Variants in DPYD observed in about 807,000 individuals in gnomAD.
The protein encoded by DPYD is dihydropyrimidine dehydrogenase.
A neutral mutation model predicts 116.2 loss-of-function variants in DPYD; 109 were observed. The observed-to-expected ratio is 0.94, with a 90% CI of 0.80 to 1.10. The LOEUF (loss-of-function observed/expected upper bound fraction) is 1.10. Among genes scored for constraint, DPYD ranks in the 50% least tolerant of loss-of-function variants. The pLI is 0.00. For missense variants in DPYD, 1,302 were observed against 1,254.5 expected, an observed-to-expected ratio of 1.04 and a Z score of -0.57; for synonymous variants, 440 against 432.0, an observed-to-expected ratio of 1.02 and a Z score of -0.23.
chr1:97,753,322 T>C (rs1429295101), intron 3 of DPYD, among the ~76,000 whole-genome samples: 1 of 152,172 alleles, frequency 6.6e-6, no homozygotes, highest in Non-Finnish European at 1.5e-5. Context: ...AAGAAGTTAA[T>C]AAAGATCTCC....
chr1:97,619,414 T>C (rs1286295862), intron 8 of DPYD, among the ~76,000 whole-genome samples: 6 of 152,190 alleles, frequency 3.9e-5, no homozygotes, highest in East Asian at 1.9e-4. Context: ...TGTAGTAATA[T>C]ATAGAGATAA....
chr1:97,440,409 T>C (rs1675712678), intron 14 of DPYD, among the ~76,000 whole-genome samples: 1 of 152,198 alleles, frequency 6.6e-6, no homozygotes, highest in Non-Finnish European at 1.5e-5. Flanking sequence ...GTCTCATCTC[T>C]TTTTTACTCC....
At chr1:97,154,692 G>A (rs1655307381) in intron 20 of DPYD, among the ~76,000 whole-genome samples, 1 of 138,730 alleles carries the variant, frequency 7.2e-6, no homozygotes, top group Non-Finnish European at 1.5e-5. Context: ...GGGCAACAAA[G>A]TGAGACTCCA....
chr1:97,709,064 C>T (rs1221092610), intron 5 of DPYD, among the ~76,000 whole-genome samples: 1 of 151,874 alleles, frequency 6.6e-6, no homozygotes, highest in African/African-American at 2.4e-5. Flanking sequence ...GACAATTCTG[C>T]CACCTGCTAA....
intron 16 of DPYD, among the ~76,000 whole-genome samples, chr1:97,337,530 C>T (rs1161346497): frequency 1.3e-5 from 2 of 152,132 alleles, no homozygotes; most frequent in Admixed American, 6.5e-5. Context: ...CCTAAGACAG[C>T]CCTCTGATTT....
intron 16 of DPYD, among the ~76,000 whole-genome samples, chr1:97,339,778 A>G (rs1669502455): frequency 6.6e-6 from 1 of 152,230 alleles, no homozygotes; most frequent in Non-Finnish European, 1.5e-5. Context: ...AAGACAGAAT[A>G]GAAATTATAA....
At chr1:97,312,005 G>A (rs551299419) in intron 16 of DPYD, among the ~76,000 whole-genome samples, 2 of 151,720 alleles carry the variant, frequency 1.3e-5, no homozygotes, top group South Asian at 4.2e-4. Context: ...TTGAGGTGTT[G>A]GAGATGTTCT....
intron 8 of DPYD, among the ~76,000 whole-genome samples, chr1:97,601,674 T>G (rs1046221583): frequency 1.2e-4 from 18 of 151,970 alleles, no homozygotes; most frequent in Non-Finnish European, 2.7e-4. Flanking sequence ...GGGACAATAG[T>G]GCCATATGGG....
At chr1:97,432,141 G>T (rs910968244) in intron 14 of DPYD, among the ~76,000 whole-genome samples, 1 of 152,006 alleles carries the variant, frequency 6.6e-6, no homozygotes, top group African/African-American at 2.4e-5. Context: ...CCATATATTG[G>T]CTATTGTGAA....
intron 14 of DPYD, among the ~76,000 whole-genome samples, chr1:97,386,820 A>T (rs1356919): frequency 0.19 from 29,116 of 151,964 alleles, 2,942 homozygotes; most frequent in South Asian, 0.38. Context: ...TTAAAAGAGA[A>T]AGCAATTTTT....
intron 20 of DPYD, among the ~76,000 whole-genome samples, chr1:97,143,197 A>AT (rs1654358108): frequency 6.6e-6 from 1 of 152,056 alleles, no homozygotes; most frequent in Non-Finnish European, 1.5e-5. Flanking sequence ...TATTATGATT[A>AT]TTTTGAAAAT....
intron 13 of DPYD, among the ~76,000 whole-genome samples, chr1:97,514,428 C>T (rs1208778855): frequency 6.6e-6 from 1 of 151,794 alleles, no homozygotes; most frequent in Non-Finnish European, 1.5e-5. Flanking sequence ...AATAGCATAA[C>T]TAATATAGTC....
At chr1:97,402,012 T>A (rs1385576832) in intron 14 of DPYD, among the ~76,000 whole-genome samples, 1 of 152,166 alleles carries the variant, frequency 6.6e-6, no homozygotes, top group Non-Finnish European at 1.5e-5. Flanking sequence ...TATTACACTG[T>A]CAGATTACTG....
chr1:97,776,690 C>T (rs1039058919), intron 3 of DPYD, among the ~76,000 whole-genome samples: 4 of 152,150 alleles, frequency 2.6e-5, no homozygotes, highest in African/African-American at 9.7e-5. Context: ...ACTCAGCTTC[C>T]TCATTAACAC....
intron 13 of DPYD, among the ~76,000 whole-genome samples, chr1:97,499,656 T>C (rs1570844334): frequency 6.6e-6 from 1 of 151,906 alleles, no homozygotes; most frequent in Non-Finnish European, 1.5e-5. Flanking sequence ...CCTCAACACT[T>C]TTCTCAAAAC....
intron 20 of DPYD, among the ~76,000 whole-genome samples, chr1:97,147,130 A>G (rs965852141): frequency 1.3e-5 from 2 of 152,174 alleles, no homozygotes; most frequent in African/African-American, 4.8e-5. Context: ...CCAGTGGACC[A>G]TGAGGTCAAG....
At chr1:97,855,460 A>G (rs1373326127) in intron 2 of DPYD, 1 of 152,196 alleles carries the variant, frequency 6.6e-6, no homozygotes, top group Admixed American at 6.5e-5. Flanking sequence ...ATGGCCTTAA[A>G]TCAACTTTGG....
chr1:97,258,155 G>A (rs925648174), intron 18 of DPYD, among the ~76,000 whole-genome samples: 2 of 152,024 alleles, frequency 1.3e-5, no homozygotes, highest in Non-Finnish European at 2.9e-5. Flanking sequence ...TGGAGAGTGG[G>A]GCAGATATTT....
At chr1:97,572,053 AT>A (rs1325420421) in intron 11 of DPYD, among the ~76,000 whole-genome samples, 2 of 151,948 alleles carry the variant, frequency 1.3e-5, no homozygotes, top group Non-Finnish European at 1.5e-5. Flanking sequence ...CTTAAGGATA[AT>A]TTCTACAGGC....
Sources: allele counts gnomAD v4.1 joint callset (sites outside exome capture counted in the v4.1 genomes callset), GRCh38; gene constraint gnomAD v4.1.1; transcripts MANE v1.5; gene names NCBI Gene and HGNC (gene_info 2026-07-23, HGNC 2026-07-21).